The following PDE10A variants were observed in gnomAD, a reference collection of about 807,000 sequenced individuals.
PDE10A encodes the protein cAMP and cAMP-inhibited cGMP 3',5'-cyclic phosphodiesterase 10A.
In PDE10A, 39 loss-of-function variants were observed where a neutral mutation model predicts 97.7. The observed-to-expected ratio is 0.40, with a 90% CI of 0.31 to 0.52. PDE10A has a LOEUF of 0.52. PDE10A is among the 20% of genes least tolerant of loss of function. The pLI, the probability that PDE10A is intolerant of heterozygous loss-of-function variation, is 0.56. For missense variants in PDE10A, 731 were observed against 1,047.8 expected (o/e 0.70, Z 4.17); for synonymous variants, 371 against 376.8 (o/e 0.98, Z 0.18).
chr6:165,474,564 A>T (rs1047547751), intron 3 of PDE10A, among the ~76,000 whole-genome samples: 1 of 152,192 alleles, frequency 6.6e-6, no homozygotes, highest in Admixed American at 6.5e-5. Flanking sequence ...TGGGTGATGA[A>T]CTAATCTTTA....
At chr6:165,642,007 G>A (rs1789160417) in intron 1 of PDE10A, among the ~76,000 whole-genome samples, 1 of 100,314 alleles carries the variant, frequency 1.0e-5, no homozygotes, top group African/African-American at 3.5e-5. Context: ...TCGGGGCGTG[G>A]AATCATGAAC....
intron 1 of PDE10A, chr6:165,910,861 G>A (rs375464317): frequency 3.9e-5 from 6 of 152,242 alleles, no homozygotes; most frequent in Admixed American, 1.3e-4. Flanking sequence ...CCATGGTTTC[G>A]GCATCTGATC....
At chr6:165,563,005 C>T (rs1395264888) in intron 1 of PDE10A, among the ~76,000 whole-genome samples, 26 of 152,010 alleles carry the variant, frequency 1.7e-4, no homozygotes, top group Admixed American at 1.7e-3. Flanking sequence ...ACGGTGCTCA[C>T]GTTGAGAAAT....
chr6:165,737,274 T>C (rs1181221496), intron 1 of PDE10A, among the ~76,000 whole-genome samples: 2 of 152,156 alleles, frequency 1.3e-5, no homozygotes, highest in Non-Finnish European at 2.9e-5. Flanking sequence ...GAAGGAACAC[T>C]TCCAAACTCA....
At chr6:165,927,320 C>T (rs1298835506) in intron 1 of PDE10A, among the ~76,000 whole-genome samples, 1 of 152,122 alleles carries the variant, frequency 6.6e-6, no homozygotes, top group Non-Finnish European at 1.5e-5. Context: ...AGTTACACTG[C>T]TGTTAGAAAC....
chr6:165,813,791 C>CA (rs5881663), intron 1 of PDE10A, among the ~76,000 whole-genome samples: 121,025 of 149,314 alleles, frequency 0.81, 48,994 homozygotes, highest in East Asian at 0.84. Context: ...TAATCGCAGA[C>CA]AAAAAAAAAA....
chr6:165,972,857 CT>C (rs1784727597), intron 1 of PDE10A, among the ~76,000 whole-genome samples: 1 of 152,154 alleles, frequency 6.6e-6, no homozygotes, highest in Non-Finnish European at 1.5e-5. Context: ...ACTGTTTTCA[CT>C]CACAATAAAA....
At chr6:165,468,277 A>T (rs1479534198) in intron 3 of PDE10A, among the ~76,000 whole-genome samples, 1 of 148,168 alleles carries the variant, frequency 6.7e-6, no homozygotes, top group East Asian at 2.0e-4. Context: ...TTTAGTAGAG[A>T]TGGGGTTTCA....
intron 1 of PDE10A, among the ~76,000 whole-genome samples, chr6:165,862,054 G>C (rs1486000593): frequency 6.6e-6 from 1 of 152,168 alleles, no homozygotes; most frequent in Non-Finnish European, 1.5e-5. Flanking sequence ...CAGCCACTGT[G>C]GTGGGGCCAG....
At chr6:165,470,147 C>A (rs1778904289) in intron 3 of PDE10A, among the ~76,000 whole-genome samples, 1 of 152,166 alleles carries the variant, frequency 6.6e-6, no homozygotes, top group Non-Finnish European at 1.5e-5. Context: ...GCTTCCACTC[C>A]TGGAGGAAGC....
At chr6:165,341,020 A>G (rs1662558652) in intron 19 of PDE10A, among the ~76,000 whole-genome samples, 2 of 152,252 alleles carry the variant, frequency 1.3e-5, no homozygotes, top group African/African-American at 4.8e-5. Context: ...ATTATTAATT[A>G]CTTTTGCACA....
chr6:165,379,115 G>T (rs761020311), intron 18 of PDE10A, 79 bp downstream of exon 18: 5 of 929,978 alleles, frequency 5.4e-6, no homozygotes, highest in Non-Finnish European at 6.5e-6. Context: ...ATAAGCTTAC[G>T]CCACATTACA....
intron 1 of PDE10A, among the ~76,000 whole-genome samples, chr6:165,894,032 C>G (rs966084854): frequency 6.6e-6 from 1 of 152,122 alleles, no homozygotes. Flanking sequence ...CTTGTCTCCC[C>G]TCGTTGCTCC....
At chr6:165,916,098 A>G (rs1782596787) in intron 1 of PDE10A, among the ~76,000 whole-genome samples, 1 of 152,238 alleles carries the variant, frequency 6.6e-6, no homozygotes, top group Non-Finnish European at 1.5e-5. Context: ...CCGTGTTAAC[A>G]TTGCTATGGG....
At chr6:165,584,878 A>G (rs886383726) in intron 1 of PDE10A, among the ~76,000 whole-genome samples, 3 of 152,156 alleles carry the variant, frequency 2.0e-5, no homozygotes, top group African/African-American at 7.2e-5. Context: ...CAGAGGGCAA[A>G]GGGAATATGG....
chr6:165,654,400 T>C (rs1000921832), intron 1 of PDE10A, among the ~76,000 whole-genome samples: 1 of 151,548 alleles, frequency 6.6e-6, no homozygotes, highest in Admixed American at 6.6e-5. Context: ...CACTCTCAGG[T>C]GGCCACAGTG....
At chr6:165,620,580 T>C (rs1306081642) in intron 1 of PDE10A, among the ~76,000 whole-genome samples, 1 of 141,970 alleles carries the variant, frequency 7.0e-6, no homozygotes, top group African/African-American at 3.0e-5. Flanking sequence ...AATAAGTAAA[T>C]GGATGGGTGC....
chr6:165,498,423 C>CAAAAAAAA lies in PDE10A; in HGVS notation c.995-16088_995-16081dup. Among the ~76,000 whole-genome samples, 38 of 22,886 alleles carry CAAAAAAAA rather than the reference C, an allele frequency of 1.7e-3. 2 individuals are homozygous for CAAAAAAAA. Among genetic ancestry groups the CAAAAAAAA allele is most frequent in the South Asian group, 2.5e-3 (1 of 398 alleles). 15.0% of individuals were successfully genotyped at this position (22,886 alleles called of 152,430 possible). ...GGATGACAGAGCAAGACCCTGTCTC[C>CAAAAAAAA]AAAAAAAAAAAAAAAAAAAAAAAAA... On this transcript the variant is annotated intron_variant, in intron 2 of 21. Coordinates refer to ENST00000539869, the MANE Select transcript of PDE10A (RefSeq NM_001385079.1).
rs1778771627 is a variant in PDE10A at position 165,794,484 on chromosome 6, T to C, written c.-615+193045A>G. ...CCCATGCATGCACGCACACACTCAT[T>C]ACACACACTACACACTCACATGCTC... On this transcript the variant is annotated intron_variant, in intron 1 of 19. Coordinates refer to the PDE10A transcript ENST00000366882. 1.3e-5 allele frequency among the ~76,000 whole-genome samples: 2 copies of C among 149,322 alleles called. 1 individual carries two copies. The highest frequency in any genetic ancestry group is 4.3e-4 in the South Asian group (2 of 4,652).
Sources: gnomAD v4.1 joint callset for allele counts (sites outside exome capture counted in the v4.1 genomes callset) on GRCh38, gnomAD v4.1.1 for gene constraint, MANE v1.5 for transcripts, NCBI Gene and HGNC (gene_info 2026-07-23, HGNC 2026-07-21) for gene names.